PITPNC1: variants seen among roughly 807,000 people sequenced by gnomAD.
The protein encoded by PITPNC1 is phosphatidylinositol transfer protein cytoplasmic 1.
PITPNC1 carries 18 observed loss-of-function variants against 44.7 expected under a neutral mutation model. The observed-to-expected ratio is 0.40, with a 90% CI of 0.28 to 0.60. The LOEUF is 0.60. PITPNC1 is among the 20% of genes least tolerant of loss of function. The pLI is 0.39. For missense variants in PITPNC1, 290 were observed against 418.4 expected (o/e 0.69, Z 2.68); for synonymous variants, 141 against 149.6 (o/e 0.94, Z 0.42).
intron 2 of PITPNC1, among the ~76,000 whole-genome samples, 185 bp from the exon 3 acceptor site, chr17:67,552,072 A>C (rs951258356): frequency 5.3e-5 from 8 of 152,326 alleles, no homozygotes; most frequent in Middle Eastern, 3.4e-3. Flanking sequence ...TTTTGAGAGC[A>C]CTTGAATATG....
intron 4 of PITPNC1, among the ~76,000 whole-genome samples, chr17:67,563,864 G>A (rs981579650): frequency 2.0e-5 from 3 of 152,122 alleles, no homozygotes; most frequent in Non-Finnish European, 4.4e-5. Flanking sequence ...AATGGTGGGG[G>A]AGATGTGGGG....
chr17:67,586,210 C>T (rs2041314151), intron 5 of PITPNC1, among the ~76,000 whole-genome samples: 1 of 152,090 alleles, frequency 6.6e-6, no homozygotes, highest in Admixed American at 6.6e-5. Context: ...GCAGTGGGAA[C>T]TTATTCAAGG....
chr17:67,621,266 G>T (rs1008927793), intron 5 of PITPNC1, among the ~76,000 whole-genome samples: 3 of 144,440 alleles, frequency 2.1e-5, no homozygotes, highest in African/African-American at 2.5e-5. Context: ...GGAGTGCAAT[G>T]GCGCGATCTC....
intron 1 of PITPNC1, among the ~76,000 whole-genome samples, chr17:67,470,577 G>T (rs1011235085): frequency 2.8e-5 from 2 of 72,642 alleles, no homozygotes; most frequent in Admixed American, 1.2e-4. Flanking sequence ...GGAGGGAGGT[G>T]GGGGGGGTCA....
In PITPNC1 at chr17:67,695,604, GTGTATATA is replaced by G. The variant is rs1567787919; in HGVS notation, c.*2718_*2725del. 2.1e-5 allele frequency: 1 copy of G among 48,430 alleles called. No individual in the cohort carries two copies. The allele number at this position is 48,430 out of a possible 1,614,324, so 3.0% of individuals were successfully genotyped here. A position where few individuals can be genotyped will look rare whatever the true frequency, so the allele number is the denominator to read the frequency against. On this transcript the variant is annotated 3_prime_UTR_variant, in exon 9 of 9. Transcript: ENST00000581322. ...TGTTCACCAAAATTGTATTATACCTGTGTATATATATATATATATATATATATAAATAT... is the reference window on the plus strand; with the variant it reads ...TGTTCACCAAAATTGTATTATACCTGTATATATATATATATATATAAATAT...
At chr17:67,502,342 C>G (rs577755294) in intron 1 of PITPNC1, among the ~76,000 whole-genome samples, 5 of 151,694 alleles carry the variant, frequency 3.3e-5, no homozygotes, top group Non-Finnish European at 5.9e-5. Flanking sequence ...CAGCAAAGCA[C>G]AGTCATTTCC....
At chr17:67,533,119 C>T (rs958087278) in intron 2 of PITPNC1, among the ~76,000 whole-genome samples, 169 bp downstream of exon 2, 3 of 152,234 alleles carry the variant, frequency 2.0e-5, no homozygotes, top group African/African-American at 4.8e-5. Context: ...TCTGCCCGAG[C>T]GAGGTGGCTC....
intron 5 of PITPNC1, among the ~76,000 whole-genome samples, chr17:67,626,621 G>A (rs745830551): frequency 6.6e-6 from 1 of 152,054 alleles, no homozygotes; most frequent in Non-Finnish European, 1.5e-5. Flanking sequence ...CTGCCCACCT[G>A]GCCTCTCAAA....
At chr17:67,675,052 T>C (rs2042579032) in intron 7 of PITPNC1, among the ~76,000 whole-genome samples, 1 of 151,050 alleles carries the variant, frequency 6.6e-6, no homozygotes, top group Non-Finnish European at 1.5e-5. Context: ...TAGAAAAGTG[T>C]TCTAGATTTC....
chr17:67,573,082 A>G (rs2041085185), intron 4 of PITPNC1, among the ~76,000 whole-genome samples: 1 of 152,190 alleles, frequency 6.6e-6, no homozygotes, highest in African/African-American at 2.4e-5. Flanking sequence ...TAAGCCACGC[A>G]GTTTGTGGAA....
intron 6 of PITPNC1, among the ~76,000 whole-genome samples, chr17:67,634,427 C>T (rs1211303168): frequency 6.6e-6 from 1 of 151,936 alleles, no homozygotes; most frequent in African/African-American, 2.4e-5. Flanking sequence ...CAAAAATTAG[C>T]CGGCAGGGTG....
intron 5 of PITPNC1, among the ~76,000 whole-genome samples, chr17:67,601,468 G>C (rs2041538737): frequency 6.6e-6 from 1 of 152,154 alleles, no homozygotes; most frequent in African/African-American, 2.4e-5. Flanking sequence ...AGGAAGAGCA[G>C]CTGGGCACCC....
Position 67,696,953 on chromosome 17 carries a change from T to C in PITPNC1, c.*4065T>C, listed in dbSNP as rs1312375750. The C allele has an allele frequency of 1.3e-5, 2 of 152,266 alleles. No individual in the cohort carries two copies. The highest frequency in any genetic ancestry group is 4.8e-5 in the African/African-American group (2 of 41,474). The allele number at this position is 152,266 out of a possible 1,614,324, so 9.4% of individuals were successfully genotyped here. Reference sequence around the variant, plus strand: ...TCTATATATCACCCAGGAGAGGGTCTCTGAGTTGGTGTTGTACCTGTACCA... The same window carrying C: ...TCTATATATCACCCAGGAGAGGGTCCCTGAGTTGGTGTTGTACCTGTACCA... On this transcript the variant is annotated 3_prime_UTR_variant, in exon 9 of 9. Coordinates refer to ENST00000581322, the MANE Select transcript of PITPNC1 (RefSeq NM_012417.4).
At chr17:67,549,839 G>A (rs575745969) in intron 2 of PITPNC1, among the ~76,000 whole-genome samples, 5 of 152,234 alleles carry the variant, frequency 3.3e-5, no homozygotes, top group African/African-American at 1.2e-4. Context: ...GCTAAACAAT[G>A]CCTGGCTTAC....
At chr17:67,672,687 T>C (rs1035125368) in intron 7 of PITPNC1, among the ~76,000 whole-genome samples, 4 of 152,140 alleles carry the variant, frequency 2.6e-5, no homozygotes, top group African/African-American at 9.7e-5. Context: ...TTCTCACAGA[T>C]GACTCAGGCT....
chr17:67,425,193 G>GCGCGCGCGCGCGCACACACACA (rs1160522771), intron 1 of PITPNC1, among the ~76,000 whole-genome samples: 1 of 52,118 alleles, frequency 1.9e-5, no homozygotes, highest in Admixed American at 2.0e-4. Context: ...TTGTGCGCGC[G>GCGCGCGCGCGCGCACACACACA]CACGCACACG....
intron 2 of PITPNC1, among the ~76,000 whole-genome samples, chr17:67,536,792 C>T (rs2144135514): frequency 6.6e-6 from 1 of 152,290 alleles, no homozygotes; most frequent in South Asian, 2.1e-4. Context: ...GCCAATGAGA[C>T]ATGAGATTTT....
chr17:67,673,071 T>C (rs1453275967), intron 7 of PITPNC1, among the ~76,000 whole-genome samples: 2 of 152,196 alleles, frequency 1.3e-5, no homozygotes, highest in Non-Finnish European at 2.9e-5. Flanking sequence ...CAAGTGTGTA[T>C]AGCTGTGTGT....
At chr17:67,582,334 T>C (rs541065149) in intron 5 of PITPNC1, among the ~76,000 whole-genome samples, 3 of 152,286 alleles carry the variant, frequency 2.0e-5, no homozygotes, top group East Asian at 3.9e-4. Flanking sequence ...TTTAATAAAC[T>C]CAGTTCATTT....
Sources: allele counts gnomAD v4.1 joint callset (sites outside exome capture counted in the v4.1 genomes callset), GRCh38; gene constraint gnomAD v4.1.1; transcripts MANE v1.5; gene names NCBI Gene and HGNC (gene_info 2026-07-23, HGNC 2026-07-21).